The following STAU1 variants were observed in gnomAD, a reference collection of about 807,000 sequenced individuals.
The protein encoded by STAU1 is staufen double-stranded RNA binding protein 1.
In STAU1, 13 loss-of-function variants were observed where a neutral mutation model predicts 62.9. The observed-to-expected ratio is 0.21, with a 90% CI of 0.13 to 0.33. The LOEUF is 0.33. Ranked by LOEUF, STAU1 falls within the 10% of genes least tolerant of loss-of-function variation. The probability of loss-of-function intolerance (pLI) is 1.00; values close to 1 mark genes in which losing one functional copy is unlikely to be tolerated. For synonymous variants in STAU1, 269 were observed against 265.1 expected, an observed-to-expected ratio of 1.01 and a Z score of -0.14; for missense variants, 571 against 712.1, an observed-to-expected ratio of 0.80 and a Z score of 2.25.
the STAU1 span, among the ~76,000 whole-genome samples, chr20:49,206,854 C>T: frequency 6.6e-6 from 1 of 150,446 alleles, no homozygotes; most frequent in Non-Finnish European, 1.5e-5. Context: ...CTCCCGGGTT[C>T]AAGCAATTCT....
intron 6 of STAU1, chr20:49,134,418 T>C (rs895717838): frequency 6.2e-5 from 25 of 403,218 alleles, no homozygotes; most frequent in Middle Eastern, 7.3e-4. Context: ...GCGACAAGAG[T>C]GAAACTCATC....
chr20:49,143,076 T>C (rs1363494506), intron 5 of STAU1, among the ~76,000 whole-genome samples: 1 of 152,076 alleles, frequency 6.6e-6, no homozygotes, highest in Non-Finnish European at 1.5e-5. Flanking sequence ...ACTGGAATTA[T>C]AGGAGTGAGC....
At position 49,153,965 on chromosome 20, in the gene STAU1, G is replaced by C; in HGVS notation, c.312C>G (p.Asn104Lys). Residue 104 changes from asparagine to lysine, a missense_variant, in exon 4 of 14, where the codon AAC (asparagine) becomes AAG (lysine). Around this residue, in one of 3 missense-constraint regions of STAU1, gnomAD observed 414 missense variants for 499.6 expected, o/e 0.83. Transcript: ENST00000371856. ...GATAAGCACCTCCTCTCATGTTGTA[G>C]TTATAGGTGGACTGCATCCGAGAGT... ...DPYSRMQSTY[N>K]YNMRGGAYPP... is the part of the protein sequence containing the mutation. 1 of 1,609,754 alleles carries C rather than the reference G, an allele frequency of 6.2e-7. No individual in the cohort carries two copies. The highest frequency in any genetic ancestry group is 1.1e-5 in the South Asian group (1 of 90,308).
intron 5 of STAU1, among the ~76,000 whole-genome samples, chr20:49,144,630 G>A (rs1381167405): frequency 6.6e-6 from 1 of 152,136 alleles, no homozygotes; most frequent in Non-Finnish European, 1.5e-5. Flanking sequence ...ATGAAAAATA[G>A]AAAAATTCTG....
chr20:49,177,210 C>G (rs2093671023), intron 1 of STAU1, among the ~76,000 whole-genome samples: 1 of 151,280 alleles, frequency 6.6e-6, no homozygotes. Flanking sequence ...GCACCTGGCC[C>G]AGGGTGTTCA....
intron 1 of STAU1, among the ~76,000 whole-genome samples, chr20:49,182,979 G>A (rs1262464162): frequency 6.6e-6 from 1 of 152,120 alleles, no homozygotes; most frequent in Non-Finnish European, 1.5e-5. Context: ...ATAATAAAAT[G>A]GTGGGGGTAA....
chr20:49,118,181 T>C, intron 10 of STAU1, 85 bp from the exon 11 acceptor site: 1 of 1,445,568 alleles, frequency 6.9e-7, no homozygotes. Context: ...ACGCTGGCCC[T>C]CCCCTTGGCA....
At chr20:49,214,517 CA>C in the STAU1 span, among the ~76,000 whole-genome samples, 8 of 119,186 alleles carry the variant, frequency 6.7e-5, no homozygotes, top group Non-Finnish European at 5.0e-5. Context: ...GATTCCGTCT[CA>C]AAAAAAAAAA....
At chr20:49,172,300 ATTTTC>A (rs985973589) in intron 2 of STAU1, among the ~76,000 whole-genome samples, 24 of 152,284 alleles carry the variant, frequency 1.6e-4, no homozygotes, top group African/African-American at 4.8e-4. Flanking sequence ...TATAAGCCTT[ATTTTC>A]TTTTCTAGTT....
At chr20:49,201,657 G>A in the STAU1 span, among the ~76,000 whole-genome samples, 1 of 150,140 alleles carries the variant, frequency 6.7e-6, no homozygotes, top group Non-Finnish European at 1.5e-5. Context: ...CAGTAGAATC[G>A]CTTGAATCCG....
At chr20:49,157,519 C>T (rs995920122) in intron 3 of STAU1, among the ~76,000 whole-genome samples, 5 of 151,452 alleles carry the variant, frequency 3.3e-5, no homozygotes, top group South Asian at 2.1e-4. Context: ...CTTGCTCTGT[C>T]GCCAGGCTGG....
At chr20:49,195,898 C>CAAA in the STAU1 span, among the ~76,000 whole-genome samples, 4 of 33,864 alleles carry the variant, frequency 1.2e-4, no homozygotes, top group Admixed American at 6.3e-4. Context: ...AACTTCCTCT[C>CAAA]AAAAAAAAAA....
chr20:49,114,998 A>G (rs2092278776), intron 13 of STAU1, 105 bp from the exon 14 acceptor site: 3 of 1,199,464 alleles, frequency 2.5e-6, no homozygotes, highest in Non-Finnish European at 3.6e-6. Flanking sequence ...GTACAATACT[A>G]AAAGCCCCAG....
At chr20:49,142,567 A>G (rs1270554800) in intron 5 of STAU1, among the ~76,000 whole-genome samples, 1 of 152,128 alleles carries the variant, frequency 6.6e-6, no homozygotes, top group East Asian at 1.9e-4. Context: ...GAGCTTCACA[A>G]GTTCAGATTC....
chr20:49,195,015 C>T, the STAU1 span, among the ~76,000 whole-genome samples: 1 of 152,058 alleles, frequency 6.6e-6, no homozygotes, highest in Non-Finnish European at 1.5e-5. Flanking sequence ...TTGTATCACT[C>T]TGAAGTGGAG....
At chr20:49,174,117 C>T (rs1208572043) in intron 2 of STAU1, 78 bp downstream of exon 2, 2 of 152,144 alleles carry the variant, frequency 1.3e-5, no homozygotes, top group Non-Finnish European at 2.9e-5. Context: ...AAATCATTCT[C>T]CACACAACTC....
chr20:49,164,721 C>T (rs908540702), intron 3 of STAU1, among the ~76,000 whole-genome samples: 3 of 152,038 alleles, frequency 2.0e-5, no homozygotes, highest in African/African-American at 7.2e-5. Context: ...GAACCATAAT[C>T]TCACACTACC....
chr20:49,193,114 C>T (rs112163034), upstream of STAU1, among the ~76,000 whole-genome samples: 7 of 152,258 alleles, frequency 4.6e-5, no homozygotes, highest in Non-Finnish European at 8.8e-5. Flanking sequence ...CAGTGACTCA[C>T]GCCTGTAATC....
chr20:49,161,559 T>C lies in STAU1; in HGVS notation c.205+4438A>G, dbSNP rs187931673. 2.0e-5 allele frequency among the ~76,000 whole-genome samples: 3 copies of C among 152,304 alleles called. No individual in the cohort carries two copies. The East Asian group carries it at 5.8e-4, about 29-fold the overall frequency. On this transcript the variant is annotated intron_variant, in intron 3 of 13. Coordinates refer to ENST00000371856, the MANE Select transcript of STAU1 (RefSeq NM_017453.4). ...ATGCACAAGCAGTATGGACAATATT[T>C]ACCTTACAGTGAGCTGGACCTTGCT... is the stretch of plus-strand genomic sequence containing the variant.
Sources: gnomAD v4.1 joint callset for allele counts (sites outside exome capture counted in the v4.1 genomes callset) on GRCh38, gnomAD v4.1.1 for gene constraint, gnomAD v4.1.1 regional missense constraint, MANE v1.5 for transcripts, NCBI Gene and HGNC (gene_info 2026-07-23, HGNC 2026-07-21) for gene names.